Variants in NEDD4L observed in about 807,000 individuals in gnomAD.
NEDD4L encodes the protein E3 ubiquitin-protein ligase NEDD4-like.
Under a neutral mutation model 148.9 loss-of-function variants are expected in NEDD4L, and 54 were observed. The ratio of observed to expected loss-of-function variants is 0.36; its 90% CI spans 0.29 to 0.45. The LOEUF (loss-of-function observed/expected upper bound fraction) is 0.45. NEDD4L is among the 20% of genes least tolerant of loss of function. The pLI is 1.00. For synonymous variants in NEDD4L, 433 were observed against 440.7 expected (o/e 0.98, Z 0.22); for missense variants, 856 against 1,233.8 (o/e 0.69, Z 4.59).
At chr18:58,310,790 G>A (rs2057600023) in intron 5 of NEDD4L, among the ~76,000 whole-genome samples, 1 of 152,214 alleles carries the variant, frequency 6.6e-6, no homozygotes, top group East Asian at 1.9e-4. Context: ...TCAGCACTGG[G>A]GCCGGCCAGT....
At chr18:58,114,640 G>T (rs1395375210) in intron 1 of NEDD4L, among the ~76,000 whole-genome samples, 1 of 150,762 alleles carries the variant, frequency 6.6e-6, no homozygotes, top group Non-Finnish European at 1.5e-5. Context: ...AGCGGTGGCT[G>T]CAGACAGCAC....
chr18:58,176,655 C>T (rs1279903151), intron 2 of NEDD4L, among the ~76,000 whole-genome samples: 2 of 152,168 alleles, frequency 1.3e-5, no homozygotes, highest in African/African-American at 4.8e-5. Context: ...CTTTTCTGTA[C>T]CATTCCCTGA....
intron 1 of NEDD4L, among the ~76,000 whole-genome samples, chr18:58,115,290 A>G (rs1194079299): frequency 2.2e-5 from 3 of 134,424 alleles, no homozygotes; most frequent in Admixed American, 8.5e-5. Context: ...TAGGTGCCTT[A>G]GAATCATGCA....
chr18:58,381,725 A>G (rs905223900), intron 24 of NEDD4L, among the ~76,000 whole-genome samples: 3 of 152,202 alleles, frequency 2.0e-5, no homozygotes, highest in Non-Finnish European at 2.9e-5. Context: ...AGAAAAGCCA[A>G]CCTGGGTTTA....
At chr18:58,063,050 T>C (rs1382987030) in intron 1 of NEDD4L, among the ~76,000 whole-genome samples, 1 of 47,788 alleles carries the variant, frequency 2.1e-5, no homozygotes, top group African/African-American at 6.2e-5. Flanking sequence ...TTTTTTTTTT[T>C]TTTTTTTTTT....
At chr18:58,164,740 A>G (rs1042323610) in intron 1 of NEDD4L, among the ~76,000 whole-genome samples, 14 of 152,202 alleles carry the variant, frequency 9.2e-5, no homozygotes, top group African/African-American at 3.4e-4. Flanking sequence ...AAGTGCTGGG[A>G]TTACAGGCAT....
intron 2 of NEDD4L, among the ~76,000 whole-genome samples, chr18:58,231,728 A>T (rs2045265729): frequency 6.6e-6 from 1 of 152,022 alleles, no homozygotes; most frequent in African/African-American, 2.4e-5. Flanking sequence ...ATGCCCGGCT[A>T]ATTTTTTGTA....
chr18:58,340,200 C>T (rs55875737), intron 13 of NEDD4L, among the ~76,000 whole-genome samples: 4,191 of 152,306 alleles, frequency 0.028, 110 homozygotes, highest in Non-Finnish European at 0.042. Flanking sequence ...TGCCTCCATA[C>T]ATCATCAACA....
At chr18:58,247,270 G>A (rs2148441711) in intron 3 of NEDD4L, 1 of 152,288 alleles carries the variant, frequency 6.6e-6, no homozygotes, top group Non-Finnish European at 1.5e-5. Context: ...CGTAACTGCA[G>A]CGTGTCCTCC....
chr18:58,378,145 C>T (rs532265837), intron 24 of NEDD4L, among the ~76,000 whole-genome samples: 6 of 152,178 alleles, frequency 3.9e-5, no homozygotes, highest in East Asian at 1.9e-4. Flanking sequence ...TCTTTAGGAT[C>T]GGGTCGAGCC....
At chr18:58,153,653 G>A (rs996469560) in intron 1 of NEDD4L, among the ~76,000 whole-genome samples, 1 of 146,060 alleles carries the variant, frequency 6.8e-6, no homozygotes, top group South Asian at 2.2e-4. Context: ...TTTGCGAAAC[G>A]TTTTTTTTTT....
At chr18:58,187,988 C>G (rs929963170) in intron 2 of NEDD4L, among the ~76,000 whole-genome samples, 1 of 152,096 alleles carries the variant, frequency 6.6e-6, no homozygotes, top group Non-Finnish European at 1.5e-5. Context: ...TCCATTTGAT[C>G]CAGGGAAAAC....
chr18:58,148,588 C>G (rs969014329), intron 1 of NEDD4L, among the ~76,000 whole-genome samples: 1 of 152,206 alleles, frequency 6.6e-6, no homozygotes, highest in African/African-American at 2.4e-5. Context: ...GGCCTTTGCC[C>G]TGCATACATC....
chr18:58,335,639 C>A (rs2041650001), intron 13 of NEDD4L, 102 bp downstream of exon 13: 2 of 874,506 alleles, frequency 2.3e-6, no homozygotes, highest in Non-Finnish European at 3.9e-6. Flanking sequence ...ATAAGATTAG[C>A]TCCTTTGTGC....
At chr18:58,114,741 C>T (rs1049099236) in intron 1 of NEDD4L, among the ~76,000 whole-genome samples, 4 of 152,218 alleles carry the variant, frequency 2.6e-5, no homozygotes, top group Admixed American at 6.5e-5. Flanking sequence ...GTGTTCCTCC[C>T]GGAGGCTCTA....
chr18:58,335,436 A>G lies in NEDD4L; in HGVS notation c.1066-42A>G, dbSNP rs912584310. The G allele has an allele frequency of 3.9e-6, 6 of 1,543,692 alleles. No homozygotes were observed. In the African/African-American group the frequency reaches 4.1e-5, roughly 10 times the overall value. On this transcript the variant is annotated intron_variant, in intron 12 of 30. Coordinates refer to ENST00000400345, the MANE Select transcript of NEDD4L (RefSeq NM_001144967.3). ...GCCCTGATTCAGACAGCAGGGGGTCATCCCCTAAGTGCATTTCACTGATGT... is the reference window on the plus strand; with the variant it reads ...GCCCTGATTCAGACAGCAGGGGGTCGTCCCCTAAGTGCATTTCACTGATGT...
chr18:58,307,862 A>C (rs1478211118), intron 5 of NEDD4L, among the ~76,000 whole-genome samples: 2 of 152,236 alleles, frequency 1.3e-5, no homozygotes, highest in Admixed American at 6.5e-5. Context: ...AATATTTCAG[A>C]TTAAGATCTG....
rs534874795 is a variant in NEDD4L at position 58,082,227 on chromosome 18, C to A, written c.48+37519C>A. 2.5e-4 allele frequency among the ~76,000 whole-genome samples: 37 copies of A among 147,908 alleles called. 1 individual carries two copies. In the South Asian group the frequency reaches 8.0e-3, roughly 32 times the overall value. On this transcript the variant is annotated intron_variant, in intron 1 of 30. Coordinates refer to ENST00000400345, the MANE Select transcript of NEDD4L (RefSeq NM_001144967.3). ...GGTTCAAGCAATTCTCCTGCCTCAG[C>A]CTCCCAAGTAGCTGGGATTACAGGA...
chr18:58,111,565 A>G (rs2085422069), intron 1 of NEDD4L, among the ~76,000 whole-genome samples: 2 of 152,242 alleles, frequency 1.3e-5, no homozygotes. Flanking sequence ...TCTTTCAATT[A>G]GTGGAGTGTT....
Sources: gnomAD v4.1 joint callset for allele counts (sites outside exome capture counted in the v4.1 genomes callset) on GRCh38, gnomAD v4.1.1 for gene constraint, MANE v1.5 for transcripts, NCBI Gene and HGNC (gene_info 2026-07-23, HGNC 2026-07-21) for gene names.